The following TENM2 variants were observed in gnomAD, a reference collection of about 807,000 sequenced individuals.
TENM2 encodes the protein teneurin transmembrane protein 2.
TENM2 carries 52 observed loss-of-function variants against 245.2 expected under a neutral mutation model. That is an observed-to-expected ratio of 0.21 (90% CI 0.17 to 0.27). The LOEUF is 0.27. Among genes scored for constraint, TENM2 ranks in the 10% least tolerant of loss-of-function variants. TENM2 has a pLI of 1.00. For synonymous variants in TENM2, 1,363 were observed against 1,438.9 expected, an observed-to-expected ratio of 0.95 and a Z score of 1.19; for missense variants, 3,046 against 3,666.8, an observed-to-expected ratio of 0.83 and a Z score of 4.37.
chr5:167,754,616 T>C (rs1279254551), intron 2 of TENM2, among the ~76,000 whole-genome samples: 3 of 148,968 alleles, frequency 2.0e-5, no homozygotes, highest in Non-Finnish European at 1.5e-5. Context: ...AGAGAATAAT[T>C]TAAAAAAAAA....
intron 27 of TENM2, among the ~76,000 whole-genome samples, chr5:168,252,489 C>G (rs1421945790): frequency 6.6e-6 from 1 of 151,980 alleles, no homozygotes; most frequent in Non-Finnish European, 1.5e-5. Context: ...TACCCTGCCC[C>G]CAGCTCTGCC....
At chr5:167,664,485 G>A (rs1445494307) in intron 2 of TENM2, among the ~76,000 whole-genome samples, 1 of 152,126 alleles carries the variant, frequency 6.6e-6, no homozygotes, top group Non-Finnish European at 1.5e-5. Context: ...GCCCCTGAAA[G>A]CAGAAATGAA....
In TENM2 at chr5:167,493,219, G is replaced by A. The variant is rs61095121; in HGVS notation, c.502+117746G>A. Among the ~76,000 whole-genome samples the A allele has an allele frequency of 6.3e-3, 954 of 152,036 alleles. 14 individuals carry two copies. The highest frequency in any genetic ancestry group is 0.021 in the African/African-American group (888 of 41,468). On this transcript the variant is annotated intron_variant, in intron 2 of 28. Transcript: ENST00000518659. ...CTTGAGCCCAGGAGTTCAAGGATGC[G>A]GTAAGCTATGATCTTGCCACTGTAC...
At chr5:167,576,987 G>T (rs1025562934) in intron 2 of TENM2, among the ~76,000 whole-genome samples, 1 of 152,184 alleles carries the variant, frequency 6.6e-6, no homozygotes, top group Non-Finnish European at 1.5e-5. Context: ...CAAAGCAAAA[G>T]CTATAAGGCT....
At position 167,801,112 on chromosome 5, in the gene TENM2, ATATATATATATATAT is replaced by A. The variant is rs1765718488; in HGVS notation, c.503-74873_503-74859del. Among the ~76,000 whole-genome samples the A allele has an allele frequency of 3.3e-3, 169 of 50,982 alleles. 5 individuals carry two copies. Among genetic ancestry groups the A allele is most frequent in the East Asian group, 0.011 (12 of 1,122 alleles). 33.4% of individuals were successfully genotyped at this position (50,982 alleles called of 152,430 possible). Reference sequence around the variant, plus strand: ...TTTGAAAAGAAAAAAAAAAAAAAATATATATATATATATATATATATATATATATATATATATATA... The same window carrying A: ...TTTGAAAAGAAAAAAAAAAAAAAATAATATATATATATATATATATATATA... On this transcript the variant is annotated intron_variant, in intron 2 of 28. Transcript: ENST00000518659.
At chr5:167,666,913 C>A (rs920047797) in intron 2 of TENM2, among the ~76,000 whole-genome samples, 2 of 152,120 alleles carry the variant, frequency 1.3e-5, no homozygotes, top group Non-Finnish European at 2.9e-5. Context: ...GCTCAACCAT[C>A]CAGGTTTGCC....
At chr5:168,233,971 C>G (rs1242018027) in intron 25 of TENM2, among the ~76,000 whole-genome samples, 1 of 152,154 alleles carries the variant, frequency 6.6e-6, no homozygotes, top group Non-Finnish European at 1.5e-5. Context: ...CCTCCCAACA[C>G]ATGGGAATTC....
chr5:167,705,965 T>TTATATA (rs368174120), intron 2 of TENM2, among the ~76,000 whole-genome samples: 57 of 119,940 alleles, frequency 4.8e-4, no homozygotes, highest in Non-Finnish European at 5.3e-4. Context: ...CAAGGCTGGG[T>TTATATA]TATATATATA....
chr5:167,023,444 G>C, the TENM2 span, among the ~76,000 whole-genome samples: 2 of 152,106 alleles, frequency 1.3e-5, no homozygotes, highest in Non-Finnish European at 2.9e-5. Context: ...ACCATCAGAG[G>C]GTTAGTTGAA....
chr5:168,048,338 GAGATTGTATTAA>G (rs1176692135), intron 6 of TENM2, among the ~76,000 whole-genome samples: 5 of 151,308 alleles, frequency 3.3e-5, no homozygotes, highest in Non-Finnish European at 7.4e-5. Flanking sequence ...TCGCAAGGGA[GAGATTGTATTAA>G]AGGATTTCTC....
chr5:167,032,279 C>A, the TENM2 span, among the ~76,000 whole-genome samples: 2 of 152,182 alleles, frequency 1.3e-5, no homozygotes, highest in Non-Finnish European at 2.9e-5. Context: ...GTGGTACAAT[C>A]TGCAAATCTG....
At chr5:167,676,785 A>C (rs1006415289) in intron 2 of TENM2, among the ~76,000 whole-genome samples, 20 of 152,262 alleles carry the variant, frequency 1.3e-4, no homozygotes, top group African/African-American at 4.6e-4. Context: ...TGTTGGAACA[A>C]TGCTTCCTAG....
chr5:167,838,081 A>G (rs1284388712), intron 2 of TENM2, among the ~76,000 whole-genome samples: 1 of 152,204 alleles, frequency 6.6e-6, no homozygotes, highest in Non-Finnish European at 1.5e-5. Flanking sequence ...ATACTAACTC[A>G]CAGCAATTCA....
chr5:167,754,281 G>A (rs2150665116), intron 2 of TENM2, among the ~76,000 whole-genome samples: 1 of 152,196 alleles, frequency 6.6e-6, no homozygotes, highest in Middle Eastern at 3.4e-3. Context: ...TCCAGTACAG[G>A]AAAGGAAAAA....
intron 2 of TENM2, among the ~76,000 whole-genome samples, chr5:167,544,579 C>A (rs1009724577): frequency 6.6e-6 from 1 of 152,030 alleles, no homozygotes; most frequent in African/African-American, 2.4e-5. Flanking sequence ...AATGTTTAGA[C>A]CCTGCCTATA....
chr5:167,378,133 A>C (rs181477958), intron 2 of TENM2, among the ~76,000 whole-genome samples: 1 of 152,242 alleles, frequency 6.6e-6, no homozygotes, highest in East Asian at 1.9e-4. Flanking sequence ...AAAAAATTCC[A>C]GTTGTGATTT....
intron 1 of TENM2, among the ~76,000 whole-genome samples, chr5:167,335,068 GGAAAA>G (rs1448006623): frequency 2.6e-5 from 4 of 152,250 alleles, no homozygotes; most frequent in Admixed American, 6.5e-5. Context: ...GATAAAGTAA[GGAAAA>G]GAAAAGAAAA....
chr5:167,530,439 CTCTTA>C (rs1417805556), intron 2 of TENM2, among the ~76,000 whole-genome samples: 1 of 152,196 alleles, frequency 6.6e-6, no homozygotes, highest in African/African-American at 2.4e-5. Context: ...TACTTTCCTT[CTCTTA>C]TGTCTTTTAA....
At chr5:167,075,565 TTGC>T in the TENM2 span, among the ~76,000 whole-genome samples, 65 of 152,284 alleles carry the variant, frequency 4.3e-4, 1 homozygote, top group South Asian at 0.012. Flanking sequence ...CTTGAACAAC[TTGC>T]TGAAGTTCTC....
Sources: gnomAD v4.1 joint callset for allele counts (sites outside exome capture counted in the v4.1 genomes callset) on GRCh38, gnomAD v4.1.1 for gene constraint, MANE v1.5 for transcripts, NCBI Gene and HGNC (gene_info 2026-07-23, HGNC 2026-07-21) for gene names.